Variants in SAMM50 observed in about 807,000 individuals in gnomAD.
The protein encoded by SAMM50 is sorting and assembly machinery component 50 homolog.
A neutral mutation model predicts 66.9 loss-of-function variants in SAMM50; 47 were observed. The observed-to-expected ratio is 0.70, with a 90% CI of 0.56 to 0.90. The LOEUF (loss-of-function observed/expected upper bound fraction) is 0.90. Among genes scored for constraint, SAMM50 ranks in the 40% least tolerant of loss-of-function variants. The probability of loss-of-function intolerance (pLI) is 0.00; values close to 1 mark genes in which losing one functional copy is unlikely to be tolerated. For missense variants in SAMM50, 535 were observed against 595.3 expected, an observed-to-expected ratio of 0.90 and a Z score of 1.05; for synonymous variants, 191 against 214.1, an observed-to-expected ratio of 0.89 and a Z score of 0.94.
intron 7 of SAMM50, among the ~76,000 whole-genome samples, chr22:43,973,674 C>T (rs1437933244): frequency 2.6e-5 from 4 of 152,132 alleles, no homozygotes; most frequent in Non-Finnish European, 4.4e-5. Context: ...TTGCTCTTGT[C>T]GCCCAGGCTG....
At chr22:43,976,904 G>T in intron 9 of SAMM50, 83 bp downstream of exon 9, 1 of 834,738 alleles carries the variant, frequency 1.2e-6, no homozygotes, top group Non-Finnish European at 2.0e-6. Flanking sequence ...GGGCTGGGTG[G>T]GCCTGGGGGT....
rs546900960 is a variant in SAMM50, at chr22:43,965,809, G to A, written c.234+1256G>A. Among the ~76,000 whole-genome samples, 6 of 151,802 alleles carry A rather than the reference G, an allele frequency of 4.0e-5. 1 individual carries two copies. The highest frequency in any genetic ancestry group is 1.2e-4 in the African/African-American group (5 of 41,362). On this transcript the variant is annotated intron_variant, in intron 3 of 14. Transcript: ENST00000350028. The stretch of plus-strand genomic sequence containing the variant: ...CAGTCTGTTGGCTGTGTGGTACCTC[G>A]TTGTACACACTTTCTAACTTTTTTA...
Position 43,968,713 on chromosome 22 carries a change from TC to T in SAMM50, c.235-17del, listed in dbSNP as rs372197410. 3,256 of 1,567,954 alleles carry T rather than the reference TC, an allele frequency of 2.1e-3. 22 individuals are homozygous for T. Among genetic ancestry groups the T allele is most frequent in the South Asian group, 4.3e-3 (391 of 90,030 alleles). ...CGTAGAAGAATATATTCCTTGTTTTTCTTCCCCCATTTTATAGGTAATGCGG... is the reference window on the plus strand; with the variant it reads ...CGTAGAAGAATATATTCCTTGTTTTTTTCCCCCATTTTATAGGTAATGCGG... On this transcript the variant is annotated splice_polypyrimidine_tract_variant and intron_variant, in intron 3 of 14. Coordinates refer to ENST00000350028, the MANE Select transcript of SAMM50 (RefSeq NM_015380.5).
At chr22:43,965,103 C>T (rs1286955146) in intron 3 of SAMM50, among the ~76,000 whole-genome samples, 3 of 150,440 alleles carry the variant, frequency 2.0e-5, no homozygotes, top group Admixed American at 6.7e-5. Flanking sequence ...TCTTTGTGGC[C>T]GGGTCCAGCT....
chr22:43,994,247 C>T (rs867104599), intron 14 of SAMM50, among the ~76,000 whole-genome samples: 5 of 152,302 alleles, frequency 3.3e-5, no homozygotes, highest in East Asian at 1.9e-4. Flanking sequence ...CGGGCAGAAC[C>T]GCGTCCTACA....
intron 1 of SAMM50, among the ~76,000 whole-genome samples, chr22:43,961,985 T>C (rs2050149147): frequency 6.6e-6 from 1 of 151,570 alleles, no homozygotes; most frequent in African/African-American, 2.4e-5. Flanking sequence ...AGTGATTATG[T>C]GTGTGTGTGT....
rs1270507210 is a variant in SAMM50, at chr22:43,955,589, G to A, written c.12G>A (p.Val4=). Reference sequence around the variant, plus strand: ...CTGGAGAGGGAACCATGGGGACTGTGCACGCCCGGGTAAGAGGCCCAGCGA... The same window carrying A: ...CTGGAGAGGGAACCATGGGGACTGTACACGCCCGGGTAAGAGGCCCAGCGA... The part of the protein sequence containing the change: MGT[V]HARSLEPLPS... The change falls in exon 1 of 15, where the codon GTG becomes GTA. Residue 4 remains valine, a synonymous_variant. Transcript: ENST00000350028. 2 of 1,599,326 alleles carry A rather than the reference G, an allele frequency of 1.3e-6. No homozygotes were observed. The highest frequency in any genetic ancestry group is 1.7e-6 in the Non-Finnish European group (2 of 1,174,108).
chr22:43,965,748 C>T (rs775324782), intron 3 of SAMM50, among the ~76,000 whole-genome samples: 2 of 151,584 alleles, frequency 1.3e-5, no homozygotes, highest in Admixed American at 1.3e-4. Flanking sequence ...TCTTTTCTGA[C>T]ATAAATTATG....
At position 43,962,793 on chromosome 22, in the gene SAMM50, A is replaced by G. The variant is rs747409719; in HGVS notation, c.22-493A>G. Reference sequence around the variant, plus strand: ...ATTTTTAAATGATTTTTTAATTTCCATCGGGCCTCAGATGTCCAGAATTAG... The same window carrying G: ...ATTTTTAAATGATTTTTTAATTTCCGTCGGGCCTCAGATGTCCAGAATTAG... On this transcript the variant is annotated intron_variant, in intron 1 of 14. Coordinates refer to ENST00000350028, the MANE Select transcript of SAMM50 (RefSeq NM_015380.5). 1.1e-4 allele frequency among the ~76,000 whole-genome samples: 17 copies of G among 150,516 alleles called. 1 individual carries two copies. Among genetic ancestry groups the G allele is most frequent in the South Asian group, 4.2e-4 (2 of 4,782 alleles).
At position 43,981,462 on chromosome 22, in the gene SAMM50, G is replaced by A. The variant is rs1176056122; in HGVS notation, c.1007+1G>A. On this transcript the variant is annotated splice_donor_variant, in intron 11 of 14. Coordinates refer to ENST00000350028, the MANE Select transcript of SAMM50 (RefSeq NM_015380.5). LOFTEE classifies it high-confidence loss of function. Reference sequence around the variant, plus strand: ...ATAAGCCGTCAAGCATTGCTGATAGGTAAGTACTAATCAATGAATGGATAA... The same window carrying A: ...ATAAGCCGTCAAGCATTGCTGATAGATAAGTACTAATCAATGAATGGATAA... 1.9e-6 allele frequency: 3 copies of A among 1,599,224 alleles called. No homozygotes were observed. The Admixed American group carries it at 5.0e-5, about 27-fold the overall frequency.
chr22:43,970,510 G>C (rs1244270600), intron 4 of SAMM50, among the ~76,000 whole-genome samples: 1 of 152,192 alleles, frequency 6.6e-6, no homozygotes, highest in Non-Finnish European at 1.5e-5. Flanking sequence ...GTTGTACACG[G>C]CACTGCTCTC....
At position 43,976,123 on chromosome 22, in the gene SAMM50, A is replaced by G. The variant is rs750332673; in HGVS notation, c.717A>G (p.Ser239=). 8 of 1,611,932 alleles carry G rather than the reference A, an allele frequency of 5.0e-6. No homozygotes were observed. In the South Asian group the frequency reaches 6.6e-5, roughly 13 times the overall value. Residue 239 remains serine (S), a synonymous_variant, in exon 8 of 15, where the codon TCA becomes TCG. Transcript: ENST00000350028. The part of the protein sequence containing the change: ...EGVWRELGCL[S]RTASFAVRKE... ...TATGGCGAGAACTGGGCTGCCTCTC[A>G]AGGACGGCGTCATTTGCTGTTCGAA...
In SAMM50 at chr22:43,981,480, A is replaced by G. The variant is rs906420880; in HGVS notation, c.1007+19A>G. 1 of 1,538,692 alleles carries G rather than the reference A, an allele frequency of 6.5e-7. No homozygotes were observed. The highest frequency in any genetic ancestry group is 9.0e-7 in the Non-Finnish European group (1 of 1,111,698). ...CTGATAGGTAAGTACTAATCAATGAATGGATAATTTGCACATATTTTCCTT... is the reference window on the plus strand; with the variant it reads ...CTGATAGGTAAGTACTAATCAATGAGTGGATAATTTGCACATATTTTCCTT... On this transcript the variant is annotated intron_variant, in intron 11 of 14. Transcript: ENST00000350028.
Position 43,996,437 on chromosome 22 carries a change from G to A in SAMM50, c.*54G>A. On this transcript the variant is annotated 3_prime_UTR_variant, in exon 15 of 15. Coordinates refer to ENST00000350028, the MANE Select transcript of SAMM50 (RefSeq NM_015380.5). ...ACTGGGGCAGCAGCAAGGCGCCCAT[G>A]CCACACACCGTCTCTCGAGGAAACG... 1.3e-6 allele frequency: 2 copies of A among 1,522,534 alleles called. No individual in the cohort carries two copies. Among genetic ancestry groups the A allele is most frequent in the Admixed American group, 1.7e-5 (1 of 59,904 alleles). 94.3% of individuals were successfully genotyped at this position (1,522,534 alleles called of 1,614,324 possible).
intron 11 of SAMM50, 135 bp downstream of exon 11, chr22:43,981,596 T>C: frequency 1.6e-6 from 1 of 608,782 alleles, no homozygotes; most frequent in Admixed American, 3.0e-5. Context: ...TATTTATGTT[T>C]AAGCTAATTT....
Position 43,955,526 on chromosome 22 carries a change from A to G in SAMM50, c.-52A>G. On this transcript the variant is annotated 5_prime_UTR_variant, in exon 1 of 15. Coordinates refer to ENST00000350028, the MANE Select transcript of SAMM50 (RefSeq NM_015380.5). ...ACCCGCCTTCTGCCCTCAGCAGCAG[A>G]CGCTCTGTCCCGCCCGGGCAGCTCT... is the stretch of plus-strand genomic sequence containing the variant. The G allele has an allele frequency of 1.3e-6, 2 of 1,578,138 alleles. No individual in the cohort carries two copies. The highest frequency in any genetic ancestry group is 2.3e-5 in the East Asian group (1 of 43,462).
intron 14 of SAMM50, 66 bp downstream of exon 14, chr22:43,990,472 C>A: frequency 6.6e-7 from 1 of 1,505,168 alleles, no homozygotes; most frequent in Non-Finnish European, 9.2e-7. Flanking sequence ...TTGTTTTGGA[C>A]GTGGTTAATT....
At chr22:43,972,207 G>A (rs369209777) in intron 4 of SAMM50, 29 bp from the exon 5 acceptor site, 2 of 1,401,742 alleles carry the variant, frequency 1.4e-6, no homozygotes, top group African/African-American at 2.9e-5. Flanking sequence ...CATCCTGGCT[G>A]TCTTATTGTT....
intron 9 of SAMM50, 138 bp from the exon 10 acceptor site, chr22:43,977,734 C>A: frequency 5.1e-6 from 3 of 589,926 alleles, no homozygotes; most frequent in Non-Finnish European, 9.1e-6. Flanking sequence ...TAGGATGTGG[C>A]TTCTAGGAGA....
Sources: gnomAD v4.1 joint callset for allele counts (sites outside exome capture counted in the v4.1 genomes callset) on GRCh38, gnomAD v4.1.1 for gene constraint, MANE v1.5 for transcripts, NCBI Gene and HGNC (gene_info 2026-07-23, HGNC 2026-07-21) for gene names.